Variants in PAN3 observed in about 807,000 individuals in gnomAD.
PAN3 encodes the protein poly(A) specific ribonuclease subunit PAN3.
PAN3 carries 19 observed loss-of-function variants against 96.2 expected under a neutral mutation model. The observed-to-expected ratio is 0.20, with a 90% CI of 0.14 to 0.29. The LOEUF is 0.29. Among genes scored for constraint, PAN3 ranks in the 10% least tolerant of loss-of-function variants. The pLI, the probability that PAN3 is intolerant of heterozygous loss-of-function variation, is 1.00. For missense variants in PAN3, 882 were observed against 1,108.1 expected (o/e 0.80, Z 2.90); for synonymous variants, 433 against 406.6 (o/e 1.06, Z -0.78).
chr13:28,275,611 T>G (rs1886992719), intron 14 of PAN3, among the ~76,000 whole-genome samples: 1 of 152,212 alleles, frequency 6.6e-6, no homozygotes, highest in Non-Finnish European at 1.5e-5. Context: ...TGGCTGAGAT[T>G]TCTGTAATTT....
intron 10 of PAN3, 35 bp from the exon 11 acceptor site, chr13:28,267,060 T>G: frequency 6.5e-7 from 1 of 1,537,246 alleles, no homozygotes; most frequent in Non-Finnish European, 8.9e-7. Context: ...GAGACGTCAA[T>G]TAGAGTTTAC....
At chr13:28,145,885 G>T (rs975570363) in intron 1 of PAN3, among the ~76,000 whole-genome samples, 7 of 151,044 alleles carry the variant, frequency 4.6e-5, no homozygotes, top group African/African-American at 1.7e-4. Context: ...TCATGTCTCG[G>T]CCTCCTGAGT....
chr13:28,181,621 GT>G, intron 4 of PAN3, among the ~76,000 whole-genome samples: 1 of 152,114 alleles, frequency 6.6e-6, no homozygotes, highest in Middle Eastern at 3.4e-3. Context: ...CTGAAGAGTT[GT>G]GTGGTGAGAA....
chr13:28,142,967 C>T (rs994928539), intron 1 of PAN3, among the ~76,000 whole-genome samples: 4 of 152,120 alleles, frequency 2.6e-5, no homozygotes, highest in Non-Finnish European at 4.4e-5. Flanking sequence ...GTGTTAAAAC[C>T]TTGGAGGTGG....
intron 1 of PAN3, among the ~76,000 whole-genome samples, chr13:28,145,724 G>A (rs918604770): frequency 2.0e-5 from 3 of 150,966 alleles, no homozygotes; most frequent in Admixed American, 6.6e-5. Context: ...TGAAGTAGCT[G>A]GGGTGACAGG....
At chr13:28,180,821 A>G (rs74041592) in intron 4 of PAN3, among the ~76,000 whole-genome samples, 1,781 of 152,108 alleles carry the variant, frequency 0.012, 35 homozygotes, top group African/African-American at 0.04. Context: ...CAGTTTTACT[A>G]TATGCTATGT....
At chr13:28,283,719 A>C (rs915430463) in intron 17 of PAN3, among the ~76,000 whole-genome samples, 5 of 152,216 alleles carry the variant, frequency 3.3e-5, no homozygotes, top group African/African-American at 1.2e-4. Flanking sequence ...CAACCCTATG[A>C]TGGAGTTACC....
At chr13:28,169,002 C>T (rs890395250) in intron 1 of PAN3, among the ~76,000 whole-genome samples, 5 of 149,938 alleles carry the variant, frequency 3.3e-5, no homozygotes, top group Admixed American at 6.6e-5. Context: ...GGCGACAGAG[C>T]GAGACTCCGT....
At chr13:28,255,324 C>T (rs577224687) in intron 6 of PAN3, among the ~76,000 whole-genome samples, 4 of 152,236 alleles carry the variant, frequency 2.6e-5, no homozygotes, top group South Asian at 2.1e-4. Flanking sequence ...CTTTGATTAA[C>T]GCTACCTGGT....
At chr13:28,157,464 C>T (rs920038946) in intron 1 of PAN3, among the ~76,000 whole-genome samples, 7 of 152,166 alleles carry the variant, frequency 4.6e-5, no homozygotes, top group East Asian at 3.8e-4. Flanking sequence ...AAAACCTCGT[C>T]GTCTCTGCCC....
intron 1 of PAN3, among the ~76,000 whole-genome samples, chr13:28,152,798 A>T (rs757080686): frequency 6.6e-6 from 1 of 152,326 alleles, no homozygotes; most frequent in South Asian, 2.1e-4. Context: ...CAATAGGTAT[A>T]TAAAAGTTCC....
Position 28,138,624 on chromosome 13 carries a change from G to A in PAN3, c.-34G>A. The A allele has an allele frequency of 2.2e-6, 1 of 454,958 alleles. No homozygotes were observed. Among genetic ancestry groups the A allele is most frequent in the South Asian group, 4.4e-5 (1 of 22,896 alleles). The allele number at this position is 454,958 out of a possible 1,614,324, so 28.2% of individuals were successfully genotyped here. A position where few individuals can be genotyped will look rare whatever the true frequency, so the allele number is the denominator to read the frequency against. ...ATGGTGGTGGCGGCGGCGGCTCCTC[G>A]GGCGGCGGCGGAAGACGAGGCTGCG... is the stretch of plus-strand genomic sequence containing the variant. On this transcript the variant is annotated 5_prime_UTR_variant, in exon 1 of 19. Transcript: ENST00000380958.
rs141582345 is a variant in PAN3, at chr13:28,172,221, C to G, written c.431-2051C>G. Among the ~76,000 whole-genome samples the G allele has an allele frequency of 3.3e-5, 5 of 152,146 alleles. No individual in the cohort carries two copies. In the East Asian group the frequency reaches 9.7e-4, roughly 29 times the overall value. ...CTGTAATCCCAACACTTTGGGAGGC[C>G]GAGGCGGGTGGATCACGAGGTCAGG... On this transcript the variant is annotated intron_variant, in intron 1 of 18. Coordinates refer to ENST00000380958, the MANE Select transcript of PAN3 (RefSeq NM_175854.8).
intron 5 of PAN3, among the ~76,000 whole-genome samples, chr13:28,199,489 C>T (rs45463995): frequency 1.6e-3 from 241 of 152,046 alleles, no homozygotes; most frequent in African/African-American, 5.7e-3. Context: ...AGTTCTTTTC[C>T]TTTAAGGACA....
intron 1 of PAN3, among the ~76,000 whole-genome samples, chr13:28,169,222 C>CTTTTTTTTT (rs202200725): frequency 6.9e-4 from 52 of 74,990 alleles, no homozygotes; most frequent in African/African-American, 9.5e-4. Flanking sequence ...TTTTTGTTTG[C>CTTTTTTTTT]TTTTTTTTTT....
chr13:28,197,211 G>T lies in PAN3; in HGVS notation c.717G>T (p.Leu239=). The T allele has an allele frequency of 1.2e-6, 2 of 1,613,226 alleles. No individual in the cohort carries two copies. Among genetic ancestry groups the T allele is most frequent in the Non-Finnish European group, 1.7e-6 (2 of 1,179,540 alleles). The change falls in exon 5 of 19, where the codon CTG becomes CTT. Residue 239 remains leucine, a synonymous_variant. Transcript: ENST00000380958. Reference sequence around the variant, plus strand: ...CAAGGAAGTATCGCCTGGGGATGCTGGAGGAGAGGCTAGTTCCGATGGGAT... The same window carrying T: ...CAAGGAAGTATCGCCTGGGGATGCTTGAGGAGAGGCTAGTTCCGATGGGAT... ...RKPRKYRLGM[L]EERLVPMGSK...
chr13:28,170,244 C>T (rs571314115), intron 1 of PAN3, among the ~76,000 whole-genome samples: 26 of 152,196 alleles, frequency 1.7e-4, no homozygotes, highest in South Asian at 4.2e-4. Flanking sequence ...GTGAAAATAA[C>T]TACCAGAAAT....
At chr13:28,279,256 G>A (rs1328108790) in intron 15 of PAN3, among the ~76,000 whole-genome samples, 1 of 152,102 alleles carries the variant, frequency 6.6e-6, no homozygotes, top group Admixed American at 6.6e-5. Flanking sequence ...CTTCTGCTGC[G>A]TGTTACTGCA....
At chr13:28,156,992 CAAAAAAAAA>C (rs35448291) in intron 1 of PAN3, among the ~76,000 whole-genome samples, 479 of 18,428 alleles carry the variant, frequency 0.026, 6 homozygotes, top group African/African-American at 0.074. Context: ...GAGACCCTGT[CAAAAAAAAA>C]AAAAAAAAAA....
Sources: gnomAD v4.1 joint callset for allele counts (sites outside exome capture counted in the v4.1 genomes callset) on GRCh38, gnomAD v4.1.1 for gene constraint, MANE v1.5 for transcripts, NCBI Gene and HGNC (gene_info 2026-07-23, HGNC 2026-07-21) for gene names.